The following CCDC125 variants were observed in gnomAD, a reference collection of about 807,000 sequenced individuals.
CCDC125 encodes the protein coiled-coil domain containing 125, also known as coiled-coil domain-containing protein 125.
In CCDC125, 43 loss-of-function variants were observed where a neutral mutation model predicts 57.4. The observed-to-expected ratio is 0.75, with a 90% confidence interval of 0.59 to 0.97. The LOEUF (loss-of-function observed/expected upper bound fraction) is 0.97. Ranked by LOEUF, CCDC125 falls within the 50% of genes least tolerant of loss-of-function variation. The pLI, the probability that CCDC125 is intolerant of heterozygous loss-of-function variation, is 0.00. For missense variants in CCDC125, 563 were observed against 595.7 expected (o/e 0.95, Z 0.57); for synonymous variants, 187 against 195.2 (o/e 0.96, Z 0.35).
In CCDC125 at chr5:69,299,008, A is replaced by G. The variant is rs576360168; in HGVS notation, c.816+1004T>C. 2.6e-4 allele frequency among the ~76,000 whole-genome samples: 40 copies of G among 152,286 alleles called. 1 individual carries two copies. Among genetic ancestry groups the G allele is most frequent in the African/African-American group, 9.4e-4 (39 of 41,562 alleles). On this transcript the variant is annotated intron_variant, in intron 8 of 11. Transcript: ENST00000396496. The stretch of plus-strand genomic sequence containing the variant: ...TTTATGGGGTAGTTGTGTAGACTAA[A>G]TATGTCAATGTATGTAAAGTTCTTA...
chr5:69,282,694 A>T lies in CCDC125; in HGVS notation c.*35T>A. The T allele has an allele frequency of 6.7e-7, 1 of 1,500,568 alleles. No homozygotes were observed. Among genetic ancestry groups the T allele is most frequent in the Non-Finnish European group, 9.0e-7 (1 of 1,116,142 alleles). 93.0% of individuals were successfully genotyped at this position (1,500,568 alleles called of 1,614,324 possible). A position where few individuals can be genotyped will look rare whatever the true frequency, so the allele number is the denominator to read the frequency against. ...TCATTTTTCAAAGTATCTCGATATA[A>T]ACAACTCTCAGTTCCAATTTCAACT... On this transcript the variant is annotated 3_prime_UTR_variant, in exon 12 of 12. Transcript: ENST00000396496.
At chr5:69,304,105 A>AT (rs35098133) in intron 6 of CCDC125, among the ~76,000 whole-genome samples, 176 bp from the exon 7 acceptor site, 217 of 142,176 alleles carry the variant, frequency 1.5e-3, no homozygotes, top group East Asian at 6.4e-3. Context: ...TGTGGTAAGA[A>AT]TTTTTTTTTT....
At chr5:69,325,632 T>G (rs1210737674) in intron 1 of CCDC125, among the ~76,000 whole-genome samples, 1 of 150,778 alleles carries the variant, frequency 6.6e-6, no homozygotes, top group African/African-American at 2.5e-5. Flanking sequence ...AGGACCAGCC[T>G]GGCCAACATG....
In CCDC125 at chr5:69,285,375, C is replaced by T; in HGVS notation, c.1192G>A (p.Asp398Asn). The T allele has an allele frequency of 1.2e-6, 2 of 1,612,732 alleles. No individual in the cohort carries two copies. The highest frequency in any genetic ancestry group is 1.7e-6 in the Non-Finnish European group (2 of 1,179,636). ...ATCTTAAGGACCTCTTGAGGACTGT[C>T]CTGGTCTTCCATCCTCTTAGAACTG... Reference protein sequence around the residue: ...ENSSKRMEDQDSPQEVLKMLI... With the variant: ...ENSSKRMEDQNSPQEVLKMLI... The change falls in exon 11 of 12, where the codon GAC (aspartate) becomes AAC (asparagine). Residue 398 changes from aspartate to asparagine, a missense_variant. By Grantham distance (23) the Asp-to-Asn change is conservative. Coordinates refer to ENST00000396496, the MANE Select transcript of CCDC125 (RefSeq NM_176816.5).
chr5:69,294,862 T>G lies in CCDC125; in HGVS notation c.855A>C (p.Gly285=). Reference sequence around the variant, plus strand: ...TTCTGGCACAAGAACAGGGGTTCCCTCCGGGCCCATGACAAAGGCAGGCTC... The same window carrying G: ...TTCTGGCACAAGAACAGGGGTTCCCGCCGGGCCCATGACAAAGGCAGGCTC... ...VLGACLCHGP[G]GNPCSCARMA... Residue 285 remains glycine, a synonymous_variant, in exon 9 of 12, where the codon GGA becomes GGC. Transcript: ENST00000396496. 1.9e-6 allele frequency: 3 copies of G among 1,614,106 alleles called. No individual in the cohort carries two copies. The highest frequency in any genetic ancestry group is 2.5e-6 in the Non-Finnish European group (3 of 1,180,002).
At chr5:69,275,935 C>T (rs1052020313), downstream of CCDC125, among the ~76,000 whole-genome samples, 1 of 152,176 alleles carries the variant, frequency 6.6e-6, no homozygotes, top group Non-Finnish European at 1.5e-5. Context: ...TTCCACAGTC[C>T]AAAATCTGAA....
Position 69,284,121 on chromosome 5 carries a change from A to T in CCDC125, c.1231-1087T>A, listed in dbSNP as rs554046388. ...TTATTTTTTAAAAATAATTTTTTAA[A>T]AAAAAAAACAGAAGACAGCATTGAA... On this transcript the variant is annotated intron_variant, in intron 11 of 11. Transcript: ENST00000396496. Among the ~76,000 whole-genome samples the T allele has an allele frequency of 8.9e-3, 1,353 of 151,466 alleles. 11 individuals are homozygous for T. Among genetic ancestry groups the T allele is most frequent in the Non-Finnish European group, 0.014 (937 of 67,786 alleles).
intron 5 of CCDC125, 53 bp downstream of exon 5, chr5:69,307,898 T>G: frequency 7.1e-7 from 1 of 1,398,732 alleles, no homozygotes; most frequent in Non-Finnish European, 1.0e-6. Context: ...TTAGGGAAAT[T>G]ATATTTAACA....
At chr5:69,326,638 T>C (rs977109104) in intron 1 of CCDC125, among the ~76,000 whole-genome samples, 3 of 152,144 alleles carry the variant, frequency 2.0e-5, no homozygotes, top group Non-Finnish European at 4.4e-5. Flanking sequence ...CTAAGAATAT[T>C]TTTCAATGCA....
chr5:69,298,176 C>T (rs1755726931), intron 8 of CCDC125, among the ~76,000 whole-genome samples: 1 of 151,872 alleles, frequency 6.6e-6, no homozygotes, highest in Non-Finnish European at 1.5e-5. Context: ...CCACTACGCC[C>T]AGCTAATTTT....
At position 69,306,857 on chromosome 5, in the gene CCDC125, A is replaced by G; in HGVS notation, c.577T>C (p.Phe193Leu). 1 of 1,526,038 alleles carries G rather than the reference A, an allele frequency of 6.6e-7. No individual in the cohort carries two copies. The highest frequency in any genetic ancestry group is 8.8e-7 in the Non-Finnish European group (1 of 1,141,550). The allele number at this position is 1,526,038 out of a possible 1,614,324, so 94.5% of individuals were successfully genotyped here. ...QWEIEFDHNR[F>L]KNIEESWIQK... ...ATCCAAGATTCCTCTATATTTTTAA[A>G]TCTATTATGATCAAATTCTATTTCC... The change falls in exon 6 of 12, where the codon TTT (phenylalanine) becomes CTT (leucine). Residue 193 changes from phenylalanine (F) to leucine (L), a missense_variant. By Grantham distance (22) the Phe-to-Leu change is conservative. Coordinates refer to ENST00000396496, the MANE Select transcript of CCDC125 (RefSeq NM_176816.5).
chr5:69,314,443 T>A (rs114557611), intron 2 of CCDC125, among the ~76,000 whole-genome samples: 229 of 148,298 alleles, frequency 1.5e-3, no homozygotes, highest in Non-Finnish European at 2.3e-3. Flanking sequence ...CCAGCCTGGG[T>A]GATAGAGTAA....
intron 9 of CCDC125, chr5:69,294,166 A>AT: frequency 3.7e-5 from 36 of 979,938 alleles, no homozygotes; most frequent in Non-Finnish European, 4.4e-5. Flanking sequence ...GATCCTAGTG[A>AT]TTTTAAGCAT....
At position 69,306,876 on chromosome 5, in the gene CCDC125, T is replaced by G. The variant is rs764770070; in HGVS notation, c.558A>C (p.Ile186=). The change falls in exon 6 of 12, where the codon ATA becomes ATC. Residue 186 remains isoleucine (I), a synonymous_variant. Transcript: ENST00000396496. ...TTTTAAATCTATTATGATCAAATTC[T>G]ATTTCCCACTGCAAGGCATTTATTT... ...EKEINALQWE[I]EFDHNRFKNI... 1 of 1,522,474 alleles carries G rather than the reference T, an allele frequency of 6.6e-7. No homozygotes were observed. The highest frequency in any genetic ancestry group is 8.8e-7 in the Non-Finnish European group (1 of 1,140,684). The allele number at this position is 1,522,474 out of a possible 1,614,324, so 94.3% of individuals were successfully genotyped here.
intron 4 of CCDC125, chr5:69,310,902 ATGG>A: frequency 3.7e-6 from 1 of 268,126 alleles, no homozygotes; most frequent in Non-Finnish European, 7.0e-6. Flanking sequence ...GATTATAATG[ATGG>A]TGGTACAACT....
rs1472161300 is a variant in CCDC125, at chr5:69,282,853, A to T, written c.1412T>A (p.Ile471Lys). The T allele has an allele frequency of 6.2e-7, 1 of 1,614,118 alleles. No homozygotes were observed. Among genetic ancestry groups the T allele is most frequent in the East Asian group, 2.2e-5 (1 of 44,854 alleles). ...TSEFSVLGDP[I>K]HSSVCILNSV... is the part of the protein sequence containing the mutation. ...ATTTAAAATGCAGACACTTGAATGT[A>T]TAGGATCACCCAAAACAGAGAATTC... Residue 471 changes from isoleucine (I) to lysine (K), a missense_variant, in exon 12 of 12, where the codon ATA (isoleucine) becomes AAA (lysine). Coordinates refer to ENST00000396496, the MANE Select transcript of CCDC125 (RefSeq NM_176816.5).
At chr5:69,331,960 C>T (rs1396746353) in intron 1 of CCDC125, among the ~76,000 whole-genome samples, 1 of 152,214 alleles carries the variant, frequency 6.6e-6, no homozygotes, top group Admixed American at 6.5e-5. Flanking sequence ...TTGTGTGTCT[C>T]GTTTGCTTAT....
At chr5:69,292,046 C>T in intron 10 of CCDC125, 142 bp downstream of exon 10, 1 of 720,028 alleles carries the variant, frequency 1.4e-6, no homozygotes, top group South Asian at 2.2e-5. Context: ...TCCATAGTTG[C>T]TAAGTTTTTA....
At chr5:69,331,132 G>A (rs887817405) in intron 1 of CCDC125, among the ~76,000 whole-genome samples, 12 of 151,660 alleles carry the variant, frequency 7.9e-5, no homozygotes, top group East Asian at 6.0e-4. Flanking sequence ...GTGAAACCCC[G>A]TCTCTACTAA....
Sources: allele counts gnomAD v4.1 joint callset (sites outside exome capture counted in the v4.1 genomes callset), GRCh38; gene constraint gnomAD v4.1.1; transcripts MANE v1.5; gene names NCBI Gene and HGNC (gene_info 2026-07-23, HGNC 2026-07-21).